TTLL11: variants seen among roughly 807,000 people sequenced by gnomAD.
TTLL11 encodes tubulin tyrosine ligase like 11.
TTLL11 carries 42 observed loss-of-function variants against 51.7 expected under a neutral mutation model. That is an observed-to-expected ratio of 0.81 (90% CI 0.64 to 1.05). The LOEUF is 1.05. Among genes scored for constraint, TTLL11 ranks in the 50% least tolerant of loss-of-function variants. The pLI is 0.00. For synonymous variants in TTLL11, 381 were observed against 383.5 expected (o/e 0.99, Z 0.08); for missense variants, 799 against 940.4 (o/e 0.85, Z 1.97).
chr9:121,829,921 G>T (rs1836948318), intron 8 of TTLL11, among the ~76,000 whole-genome samples: 1 of 151,930 alleles, frequency 6.6e-6, no homozygotes, highest in South Asian at 2.1e-4. Flanking sequence ...ACCCTTCATG[G>T]TGCTTCTTCT....
chr9:122,022,399 T>C (rs962483697), intron 3 of TTLL11, among the ~76,000 whole-genome samples: 2 of 151,874 alleles, frequency 1.3e-5, no homozygotes, highest in African/African-American at 2.4e-5. Context: ...AGAAAAAGAA[T>C]GTTATATAAA....
Position 122,093,302 on chromosome 9 carries a change from G to A in TTLL11, c.-154C>T, listed in dbSNP as rs774086642. ...GATCGCTCAGGCTCGGGTTGACAGC[G>A]GCAGTCACCGCATCGAGACGGGGTC... On this transcript the variant is annotated 5_prime_UTR_variant, in exon 1 of 9. Transcript: ENST00000321582. 1.9e-6 allele frequency: 3 copies of A among 1,576,414 alleles called. No homozygotes were observed. Among genetic ancestry groups the A allele is most frequent in the Middle Eastern group, 1.7e-4 (1 of 5,920 alleles).
intron 6 of TTLL11, among the ~76,000 whole-genome samples, chr9:121,943,817 G>A (rs1486544212): frequency 1.3e-5 from 2 of 152,100 alleles, no homozygotes; most frequent in African/African-American, 4.8e-5. Flanking sequence ...AGGCTTCGTG[G>A]GAATAGACCA....
chr9:121,898,073 C>A (rs1839608209), intron 6 of TTLL11, among the ~76,000 whole-genome samples: 3 of 152,052 alleles, frequency 2.0e-5, no homozygotes, highest in Admixed American at 6.5e-5. Context: ...CACCTGCCAC[C>A]ACACCTGGCT....
chr9:121,845,392 T>C (rs1390156765), intron 8 of TTLL11, among the ~76,000 whole-genome samples: 2 of 152,160 alleles, frequency 1.3e-5, no homozygotes, highest in Non-Finnish European at 2.9e-5. Flanking sequence ...AGACTTGCTT[T>C]GTAACAAATA....
chr9:121,954,544 G>C (rs1182857392), intron 6 of TTLL11, among the ~76,000 whole-genome samples: 1 of 152,154 alleles, frequency 6.6e-6, no homozygotes, highest in Non-Finnish European at 1.5e-5. Context: ...AAAGTAATTA[G>C]CGTTCATAAC....
chr9:121,968,471 A>G (rs1268352153), intron 6 of TTLL11, among the ~76,000 whole-genome samples: 2 of 152,254 alleles, frequency 1.3e-5, no homozygotes, highest in African/African-American at 4.8e-5. Context: ...TTGATTTTAA[A>G]CTAAAAAATC....
intron 1 of TTLL11, among the ~76,000 whole-genome samples, chr9:122,074,165 T>G (rs1282833830): frequency 6.6e-6 from 1 of 151,568 alleles, no homozygotes; most frequent in African/African-American, 2.4e-5. Flanking sequence ...TACCAGCAAG[T>G]TGGGAAGCTG....
At chr9:121,919,685 G>A (rs1281350246) in intron 6 of TTLL11, among the ~76,000 whole-genome samples, 2 of 152,072 alleles carry the variant, frequency 1.3e-5, no homozygotes, top group Non-Finnish European at 2.9e-5. Flanking sequence ...CCCCTGTGGG[G>A]AGACAGTGAG....
intron 6 of TTLL11, among the ~76,000 whole-genome samples, chr9:121,903,234 C>A (rs1839830677): frequency 6.6e-6 from 1 of 152,178 alleles, no homozygotes; most frequent in African/African-American, 2.4e-5. Flanking sequence ...AAGAGAGGAG[C>A]TTGCCCAGCA....
chr9:121,946,904 C>CA lies in TTLL11; in HGVS notation c.1481+27104dup, dbSNP rs775608341. ...CCAGGGTCCCCACTCAGCCTACCCC[C>CA]ATTCATTAGATCACCTGCTTGGCCC... is the stretch of plus-strand genomic sequence containing the variant. On this transcript the variant is annotated intron_variant, in intron 6 of 8. Transcript: ENST00000321582. Among the ~76,000 whole-genome samples, 3 of 152,254 alleles carry CA rather than the reference C, an allele frequency of 2.0e-5. No homozygotes were observed. In the East Asian group the frequency reaches 5.8e-4, roughly 29 times the overall value.
Position 121,816,707 on chromosome 9 carries a change from G to C in TTLL11, c.*5880C>G, listed in dbSNP as rs1836422603. The stretch of plus-strand genomic sequence containing the variant: ...GTGCATCGTGTGTGCGTGCGTGTGT[G>C]TGCATGCATGCGCGCGTGTGTGTAT... On this transcript the variant is annotated 3_prime_UTR_variant, in exon 9 of 9. Coordinates refer to ENST00000321582, the MANE Select transcript of TTLL11 (RefSeq NM_001139442.2). 6.6e-6 allele frequency: 1 copy of C among 152,218 alleles called. No homozygotes were observed. The highest frequency in any genetic ancestry group is 1.5e-5 in the Non-Finnish European group (1 of 68,082). The allele number at this position is 152,218 out of a possible 1,614,324, so 9.4% of individuals were successfully genotyped here.
intron 6 of TTLL11, among the ~76,000 whole-genome samples, chr9:121,873,831 CTTTT>C (rs71508142): frequency 0.026 from 1,986 of 77,306 alleles, 40 homozygotes; most frequent in African/African-American, 0.11. Flanking sequence ...ATTAGCCTGA[CTTTT>C]TTTTTTTTTT....
At chr9:122,044,115 T>C (rs865970273) in intron 1 of TTLL11, among the ~76,000 whole-genome samples, 12 of 152,336 alleles carry the variant, frequency 7.9e-5, no homozygotes, top group Middle Eastern at 3.4e-3. Context: ...AGTGTTTGGT[T>C]TTTTGTCCTT....
intron 6 of TTLL11, among the ~76,000 whole-genome samples, chr9:121,959,008 C>T (rs771128523): frequency 3.3e-5 from 5 of 152,122 alleles, no homozygotes; most frequent in Admixed American, 6.5e-5. Context: ...TTCTTAAGGC[C>T]CCCAAGGCAC....
At chr9:121,917,827 A>T (rs1042426251) in intron 6 of TTLL11, among the ~76,000 whole-genome samples, 4 of 152,272 alleles carry the variant, frequency 2.6e-5, no homozygotes, top group African/African-American at 9.6e-5. Context: ...AATTGCACTT[A>T]AAAATCCACT....
intron 6 of TTLL11, among the ~76,000 whole-genome samples, chr9:121,894,941 T>A (rs1839395339): frequency 6.6e-6 from 1 of 152,002 alleles, no homozygotes; most frequent in Non-Finnish European, 1.5e-5. Flanking sequence ...CAAGGTCCAA[T>A]CCCTAAAAAC....
At chr9:121,949,422 T>C (rs894598036) in intron 6 of TTLL11, among the ~76,000 whole-genome samples, 1 of 152,210 alleles carries the variant, frequency 6.6e-6, no homozygotes, top group South Asian at 2.1e-4. Context: ...CACAAATTAG[T>C]TGGATGACTA....
At chr9:122,063,094 C>T (rs7029682) in intron 1 of TTLL11, among the ~76,000 whole-genome samples, 60,990 of 151,990 alleles carry the variant, frequency 0.4, 13,337 homozygotes, top group African/African-American at 0.57. Flanking sequence ...GTTTATCTTA[C>T]TATATCATCT....
Sources: allele counts gnomAD v4.1 joint callset (sites outside exome capture counted in the v4.1 genomes callset), GRCh38; gene constraint gnomAD v4.1.1; transcripts MANE v1.5; gene names NCBI Gene and HGNC (gene_info 2026-07-23, HGNC 2026-07-21).